The following SLC1A1 variants were observed in gnomAD, a reference collection of about 807,000 sequenced individuals.
The protein encoded by SLC1A1 is solute carrier family 1 member 1.
SLC1A1 carries 43 observed loss-of-function variants against 53.3 expected under a neutral mutation model. That is an observed-to-expected ratio of 0.81 (90% CI 0.63 to 1.04). SLC1A1 has a LOEUF of 1.04. Ranked by LOEUF, SLC1A1 falls within the 50% of genes least tolerant of loss-of-function variation. The pLI, the probability that SLC1A1 is intolerant of heterozygous loss-of-function variation, is 0.00. For synonymous variants in SLC1A1, 307 were observed against 243.2 expected (o/e 1.26, Z -2.44); for missense variants, 748 against 664.9 (o/e 1.12, Z -1.37).
intron 1 of SLC1A1, among the ~76,000 whole-genome samples, chr9:4,532,938 C>G (rs1406813421): frequency 4.6e-5 from 7 of 152,078 alleles, no homozygotes; most frequent in Non-Finnish European, 2.9e-5. Flanking sequence ...AATTTTCAAC[C>G]CAGAATTTCA....
At chr9:4,494,577 A>T (rs1213613963) in intron 1 of SLC1A1, among the ~76,000 whole-genome samples, 1 of 151,912 alleles carries the variant, frequency 6.6e-6, no homozygotes. Flanking sequence ...TTAAAGAGGA[A>T]ATGGAAAGAA....
At chr9:4,501,340 A>G (rs1170652166) in intron 1 of SLC1A1, among the ~76,000 whole-genome samples, 2 of 151,336 alleles carry the variant, frequency 1.3e-5, no homozygotes, top group Non-Finnish European at 2.9e-5. Flanking sequence ...TTGAAGCAAT[A>G]GCAGACTTTG....
At chr9:4,520,770 G>A (rs980172667) in intron 1 of SLC1A1, among the ~76,000 whole-genome samples, 1 of 152,154 alleles carries the variant, frequency 6.6e-6, no homozygotes, top group Non-Finnish European at 1.5e-5. Context: ...AATTCCAGAG[G>A]CTATATATCT....
At chr9:4,544,298 G>C (rs1817270297) in intron 1 of SLC1A1, among the ~76,000 whole-genome samples, 1 of 152,092 alleles carries the variant, frequency 6.6e-6, no homozygotes, top group Non-Finnish European at 1.5e-5. Context: ...TTGATATTTT[G>C]TCATAATAAG....
chr9:4,572,054 T>A, intron 6 of SLC1A1, 150 bp from the exon 7 acceptor site: 1 of 678,414 alleles, frequency 1.5e-6, no homozygotes, highest in South Asian at 1.8e-5. Flanking sequence ...TTTTTATTAT[T>A]GTTTTTATAT....
chr9:4,571,700 A>ATAAG (rs1241539556), intron 6 of SLC1A1, among the ~76,000 whole-genome samples: 1 of 151,744 alleles, frequency 6.6e-6, no homozygotes, highest in Non-Finnish European at 1.5e-5. Context: ...AAATAAATAA[A>ATAAG]TAAATAATCC....
intron 8 of SLC1A1, 66 bp from the exon 9 acceptor site, chr9:4,575,935 T>C (rs1250320848): frequency 6.4e-7 from 1 of 1,571,728 alleles, no homozygotes; most frequent in Non-Finnish European, 8.8e-7. Context: ...AGATGTTTGA[T>C]AAAAGGATTA....
intron 1 of SLC1A1, among the ~76,000 whole-genome samples, chr9:4,510,119 C>A (rs1254141941): frequency 6.6e-6 from 1 of 152,228 alleles, no homozygotes; most frequent in African/African-American, 2.4e-5. Flanking sequence ...CAGGCATGAG[C>A]CACTACGCCC....
chr9:4,506,781 G>C (rs185905440), intron 1 of SLC1A1, among the ~76,000 whole-genome samples: 5 of 152,306 alleles, frequency 3.3e-5, no homozygotes, highest in Admixed American at 2.0e-4. Flanking sequence ...CTAGGGAAAA[G>C]GGTTGGCAGA....
Position 4,585,682 on chromosome 9 carries a change from C to A in SLC1A1, c.*124C>A, listed in dbSNP as rs1821524385. 4.1e-6 allele frequency: 5 copies of A among 1,232,868 alleles called. No individual in the cohort carries two copies. In the Admixed American group the frequency reaches 5.6e-5, roughly 14 times the overall value. 76.4% of individuals were successfully genotyped at this position (1,232,868 alleles called of 1,614,324 possible). ...TACATTTGATTTGATATACAGACCT[C>A]CAGATTATTTTCTATATTTGGATTC... is the stretch of plus-strand genomic sequence containing the variant. On this transcript the variant is annotated 3_prime_UTR_variant, in exon 12 of 12. Transcript: ENST00000262352.
intron 1 of SLC1A1, among the ~76,000 whole-genome samples, chr9:4,533,923 C>T (rs374828897): frequency 6.6e-6 from 1 of 152,172 alleles, no homozygotes; most frequent in Non-Finnish European, 1.5e-5. Context: ...AACCACTCAA[C>T]TACATGGAAA....
chr9:4,532,778 G>A (rs1489696724), intron 1 of SLC1A1, among the ~76,000 whole-genome samples: 4 of 152,128 alleles, frequency 2.6e-5, no homozygotes, highest in Non-Finnish European at 2.9e-5. Context: ...CACCAAAGTT[G>A]CAATGAAGGA....
In SLC1A1 at chr9:4,556,669, A is replaced by C. The variant is rs116087645; in HGVS notation, c.233-4780A>C. Among the ~76,000 whole-genome samples the C allele has an allele frequency of 2.3e-3, 349 of 152,312 alleles. 2 individuals are homozygous for C. The highest frequency in any genetic ancestry group is 0.01 in the Middle Eastern group (3 of 294). ...CGACGTCAACGCCAGTTAAGAGTCT[A>C]ATGCCTGGATTCTCATTCTCACAGT... On this transcript the variant is annotated intron_variant, in intron 2 of 11. Transcript: ENST00000262352. This position sits in a 1 kb window ranked among gnomAD's most constrained non-coding sequence, Gnocchi z 4.1.
At chr9:4,521,589 C>T (rs1816073035) in intron 1 of SLC1A1, among the ~76,000 whole-genome samples, 1 of 152,128 alleles carries the variant, frequency 6.6e-6, no homozygotes, top group Non-Finnish European at 1.5e-5. Context: ...CATCATCATC[C>T]AGGAAGAATA....
chr9:4,508,609 G>A (rs762979537), intron 1 of SLC1A1, among the ~76,000 whole-genome samples: 17 of 152,174 alleles, frequency 1.1e-4, no homozygotes, highest in Admixed American at 1.0e-3. Context: ...GGAGTTACTG[G>A]AGAGACTGTT....
intron 1 of SLC1A1, among the ~76,000 whole-genome samples, chr9:4,493,444 A>G (rs373625068): frequency 1.1e-4 from 17 of 152,232 alleles, no homozygotes; most frequent in African/African-American, 3.9e-4. Flanking sequence ...AATGATAGTA[A>G]GAGCTTATTT....
At chr9:4,538,751 G>A (rs1816772123) in intron 1 of SLC1A1, among the ~76,000 whole-genome samples, 1 of 152,192 alleles carries the variant, frequency 6.6e-6, no homozygotes, top group South Asian at 2.1e-4. Context: ...AGCCTGTATT[G>A]GTGGAGCTAC....
Position 4,544,674 on chromosome 9 carries a change from A to G in SLC1A1, c.199A>G (p.Ile67Val). 6.2e-7 allele frequency: 1 copy of G among 1,613,672 alleles called. No homozygotes were observed. Among genetic ancestry groups the G allele is most frequent in the South Asian group, 1.1e-5 (1 of 91,062 alleles). The part of the protein sequence containing the change: ...EILMRMLKLI[I>V]LPLIISSMIT... The stretch of plus-strand genomic sequence containing the variant: ...TCTAATGCGGATGCTGAAACTCATC[A>G]TTTTGCCATTAATTATATCCAGCAT... Residue 67 changes from isoleucine (I) to valine (V), a missense_variant, in exon 2 of 12, where the codon ATT becomes GTT. Coordinates refer to ENST00000262352, the MANE Select transcript of SLC1A1 (RefSeq NM_004170.6).
intron 1 of SLC1A1, among the ~76,000 whole-genome samples, chr9:4,512,835 G>A (rs190793930): frequency 1.3e-5 from 2 of 152,098 alleles, no homozygotes; most frequent in Admixed American, 1.3e-4. Context: ...CATGATTGTA[G>A]CTCATTGCAG....
Sources: allele counts gnomAD v4.1 joint callset (sites outside exome capture counted in the v4.1 genomes callset), GRCh38; gene constraint gnomAD v4.1.1; non-coding constraint Gnocchi (gnomAD v3.1); transcripts MANE v1.5; gene names NCBI Gene and HGNC (gene_info 2026-07-23, HGNC 2026-07-21).